Variants in CCDC6 observed in about 807,000 individuals in gnomAD.
CCDC6 encodes coiled-coil domain containing 6.
Under a neutral mutation model 56.6 loss-of-function variants are expected in CCDC6, and 20 were observed. That is an observed-to-expected ratio of 0.35 (90% CI 0.25 to 0.51). CCDC6 has a LOEUF of 0.51. Among genes scored for constraint, CCDC6 ranks in the 20% least tolerant of loss-of-function variants. The pLI, the probability that CCDC6 is intolerant of heterozygous loss-of-function variation, is 0.95. For missense variants in CCDC6, 367 were observed against 601.1 expected (o/e 0.61, Z 4.07); for synonymous variants, 241 against 234.4 (o/e 1.03, Z -0.26).
intron 2 of CCDC6, among the ~76,000 whole-genome samples, chr10:59,834,141 G>A (rs1406006587): frequency 6.6e-6 from 1 of 152,156 alleles, no homozygotes; most frequent in Non-Finnish European, 1.5e-5. Flanking sequence ...ACTGAGAGCT[G>A]AGGCAAGCCT....
intron 7 of CCDC6, among the ~76,000 whole-genome samples, chr10:59,795,329 A>C (rs113647748): frequency 0.013 from 1,918 of 152,296 alleles, 41 homozygotes; most frequent in East Asian, 0.091. Flanking sequence ...CATTTCTCTA[A>C]AAAAGATACA....
chr10:59,810,625 G>T (rs1383687559), intron 5 of CCDC6, among the ~76,000 whole-genome samples: 2 of 152,094 alleles, frequency 1.3e-5, no homozygotes, highest in African/African-American at 2.4e-5. Context: ...TATCTCATTT[G>T]ATTTCCACCA....
intron 3 of CCDC6, among the ~76,000 whole-genome samples, chr10:59,819,898 T>C (rs2132636089): frequency 6.6e-6 from 1 of 152,354 alleles, no homozygotes; most frequent in South Asian, 2.1e-4. Context: ...TGAATATTCA[T>C]TGGAAAGACT....
Position 59,832,609 on chromosome 10 carries a change from C to T in CCDC6, c.498G>A (p.Glu166=), listed in dbSNP as rs781393417. Residue 166 remains glutamate (E), a synonymous_variant, in exon 3 of 9, where the codon GAG becomes GAA. Transcript: ENST00000263102. ...TCAGTTTGTTGACCTGAAATTCCTG[C>T]TCTTGTTCAAGATGCTGTTCTAGTT... The part of the protein sequence containing the change: ...KAELEQHLEQ[E]QEFQVNKLMK... The T allele has an allele frequency of 4.3e-6, 7 of 1,613,468 alleles. No individual in the cohort carries two copies. Among genetic ancestry groups the T allele is most frequent in the African/African-American group, 1.3e-5 (1 of 74,870 alleles).
Position 59,862,514 on chromosome 10 carries a change from T to TAC in CCDC6, c.304-9813_304-9812insGT, listed in dbSNP as rs1349936378. On this transcript the variant is annotated intron_variant, in intron 1 of 8. Transcript: ENST00000263102. ...AGAAAAAAAAAAGTATATATATATA[T>TAC]ATACACACACACACACACACACACA... 6.4e-3 allele frequency among the ~76,000 whole-genome samples: 468 copies of TAC among 72,998 alleles called. 4 individuals carry two copies. Among genetic ancestry groups the TAC allele is most frequent in the South Asian group, 0.013 (31 of 2,358 alleles). The allele number at this position is 72,998 out of a possible 152,430, so 47.9% of individuals were successfully genotyped here.
chr10:59,798,401 C>A (rs2070543024), intron 7 of CCDC6, among the ~76,000 whole-genome samples: 1 of 152,166 alleles, frequency 6.6e-6, no homozygotes, highest in Non-Finnish European at 1.5e-5. Flanking sequence ...TTTTCTGTGC[C>A]CTCAGCATCT....
rs1200797755 is a variant in CCDC6, at chr10:59,795,083, A to C, written c.1106-486T>G. Among the ~76,000 whole-genome samples the C allele has an allele frequency of 1.3e-4, 10 of 76,706 alleles. No individual in the cohort carries two copies. In the East Asian group the frequency reaches 4.1e-3, roughly 31 times the overall value. The allele number at this position is 76,706 out of a possible 152,430, so 50.3% of individuals were successfully genotyped here. On this transcript the variant is annotated intron_variant, in intron 7 of 8. Transcript: ENST00000263102. ...ATTTCTTGGATATGACATAGGCAAC[A>C]AAAAAAAAAAGCAAAAACAAATACG...
chr10:59,804,484 A>G lies in CCDC6; in HGVS notation c.1041T>C (p.Pro347=). The G allele has an allele frequency of 6.2e-7, 1 of 1,613,054 alleles. No homozygotes were observed. The highest frequency in any genetic ancestry group is 8.5e-7 in the Non-Finnish European group (1 of 1,179,032). The change falls in exon 7 of 9, where the codon CCT becomes CCC. Residue 347 remains proline (P), a synonymous_variant. Coordinates refer to ENST00000263102, the MANE Select transcript of CCDC6 (RefSeq NM_005436.5). ...AAGGGATCGGGCTGGACACAGTGCG[A>G]GGTCTTAATCCTTGTGCAGACATCT... ...FNEMSAQGLR[P]RTVSSPIPYT...
intron 7 of CCDC6, among the ~76,000 whole-genome samples, chr10:59,801,453 TC>T (rs144550237): frequency 9.5e-4 from 144 of 152,284 alleles, no homozygotes; most frequent in African/African-American, 3.3e-3. Context: ...AGCTAACCAC[TC>T]CCTTCTTGGT....
intron 2 of CCDC6, among the ~76,000 whole-genome samples, chr10:59,832,922 A>C (rs997985761): frequency 1.4e-4 from 21 of 152,322 alleles, no homozygotes; most frequent in African/African-American, 4.8e-4. Flanking sequence ...CATACAAATA[A>C]ATTTTTAAAA....
intron 1 of CCDC6, among the ~76,000 whole-genome samples, chr10:59,873,107 G>C (rs551249578): frequency 7.9e-4 from 121 of 152,228 alleles, no homozygotes; most frequent in African/African-American, 2.8e-3. Flanking sequence ...CAATCCTCTG[G>C]CGGTGCTACA....
chr10:59,842,202 C>T (rs1290561444), intron 2 of CCDC6, among the ~76,000 whole-genome samples: 3 of 151,962 alleles, frequency 2.0e-5, no homozygotes, highest in Non-Finnish European at 4.4e-5. Context: ...CCATCACACC[C>T]CACTAACTTA....
chr10:59,842,082 G>T (rs1240656635), intron 2 of CCDC6, among the ~76,000 whole-genome samples: 2 of 151,904 alleles, frequency 1.3e-5, no homozygotes, highest in Non-Finnish European at 2.9e-5. Context: ...TCCCTCTGTT[G>T]CCCAGGCTAG....
intron 1 of CCDC6, among the ~76,000 whole-genome samples, chr10:59,862,630 A>T (rs572606086): frequency 1.6e-4 from 25 of 151,594 alleles, no homozygotes; most frequent in African/African-American, 6.1e-4. Flanking sequence ...AGGCATTTTT[A>T]AAAATGAAGA....
intron 1 of CCDC6, among the ~76,000 whole-genome samples, chr10:59,887,794 T>C (rs1399670699): frequency 1.3e-5 from 2 of 152,144 alleles, no homozygotes; most frequent in African/African-American, 4.8e-5. Flanking sequence ...TGCTTGTAAG[T>C]GCTGAACTAT....
intron 1 of CCDC6, among the ~76,000 whole-genome samples, chr10:59,880,562 G>A (rs1626088): frequency 0.51 from 78,038 of 152,054 alleles, 20,731 homozygotes; most frequent in East Asian, 0.68. Context: ...ATTCTGTTTC[G>A]TGATCTGGGT....
chr10:59,854,565 T>C (rs185183500), intron 1 of CCDC6, among the ~76,000 whole-genome samples: 2 of 151,274 alleles, frequency 1.3e-5, no homozygotes, highest in Admixed American at 1.3e-4. Flanking sequence ...AGTCCATAGG[T>C]TCCCCCAGTG....
intron 1 of CCDC6, among the ~76,000 whole-genome samples, chr10:59,885,559 A>T (rs1186037753): frequency 4.6e-5 from 7 of 152,160 alleles, no homozygotes; most frequent in Non-Finnish European, 1.0e-4. Flanking sequence ...TGAGAGCCCT[A>T]TCAGACCTGG....
chr10:59,847,817 C>CT (rs757902015), intron 2 of CCDC6, among the ~76,000 whole-genome samples: 21,187 of 104,712 alleles, frequency 0.2, 3,474 homozygotes, highest in African/African-American at 0.43. Flanking sequence ...GCCTTTTAGA[C>CT]TTTTTTTTTT....
Sources: allele counts gnomAD v4.1 joint callset (sites outside exome capture counted in the v4.1 genomes callset), GRCh38; gene constraint gnomAD v4.1.1; transcripts MANE v1.5; gene names NCBI Gene and HGNC (gene_info 2026-07-23, HGNC 2026-07-21).